TMEM260: variants seen among roughly 807,000 people sequenced by gnomAD.
TMEM260 encodes the protein transmembrane protein 260, also known as protein O-mannosyl-transferase TMEM260.
In TMEM260, 82 loss-of-function variants were observed where a neutral mutation model predicts 88.9. The ratio of observed to expected loss-of-function variants is 0.92; its 90% CI spans 0.77 to 1.11. The LOEUF (loss-of-function observed/expected upper bound fraction) is 1.11. TMEM260 is among the 50% of genes least tolerant of loss of function. TMEM260 has a pLI of 0.00. For missense variants in TMEM260, 902 were observed against 853.4 expected, an observed-to-expected ratio of 1.06 and a Z score of -0.71; for synonymous variants, 314 against 309.3, an observed-to-expected ratio of 1.02 and a Z score of -0.16.
intron 3 of TMEM260, among the ~76,000 whole-genome samples, chr14:56,586,909 G>A (rs1594809378): frequency 6.6e-6 from 1 of 151,734 alleles, no homozygotes; most frequent in African/African-American, 2.4e-5. Flanking sequence ...TTCAAGTATT[G>A]TAACTGTTGA....
At chr14:56,635,774 A>C (rs1227870243) in intron 14 of TMEM260, among the ~76,000 whole-genome samples, 2 of 152,224 alleles carry the variant, frequency 1.3e-5, no homozygotes, top group Non-Finnish European at 2.9e-5. Flanking sequence ...TATGATATAA[A>C]GAGCTTATAT....
chr14:56,580,058 A>T lies in TMEM260; in HGVS notation c.144A>T (p.Val48=), dbSNP rs908067309. The T allele has an allele frequency of 8.0e-7, 1 of 1,252,056 alleles. No homozygotes were observed. The highest frequency in any genetic ancestry group is 1.5e-5 in the African/African-American group (1 of 64,750). The allele number at this position is 1,252,056 out of a possible 1,614,324, so 77.6% of individuals were successfully genotyped here. The change falls in exon 1 of 16, where the codon GTA becomes GTT. Residue 48 remains valine, a synonymous_variant. Coordinates refer to ENST00000261556, the MANE Select transcript of TMEM260 (RefSeq NM_017799.4). ...TCACCTTCACCCTGCCCCCTTCGGT[A>T]CCGGGGGGAGACTCCGGTAAAGTAC... The part of the protein sequence containing the change: ...AVFTFTLPPS[V]PGGDSGELIT...
intron 3 of TMEM260, among the ~76,000 whole-genome samples, chr14:56,596,425 TACATACACACACATATAC>T (rs1886230143): frequency 7.4e-6 from 1 of 135,634 alleles, no homozygotes; most frequent in African/African-American, 2.9e-5. Context: ...TATATATATA[TACATACACACACATATAC>T]ATATATATAG....
At chr14:56,631,052 C>T (rs930299694) in intron 12 of TMEM260, among the ~76,000 whole-genome samples, 2 of 152,076 alleles carry the variant, frequency 1.3e-5, no homozygotes, top group East Asian at 1.9e-4. Flanking sequence ...AGAAAGAATT[C>T]AACTGAGGGG....
At chr14:56,581,384 T>TGCACAAGTAGGGATAGTGTTTC (rs1336709266) in intron 1 of TMEM260, among the ~76,000 whole-genome samples, 4 of 152,236 alleles carry the variant, frequency 2.6e-5, no homozygotes, top group African/African-American at 9.6e-5. Context: ...CAGGTCCTGT[T>TGCACAAGTAGGGATAGTGTTTC]GCACAAGTAG....
chr14:56,580,160 ATTCGGTCTGGTC>A, intron 1 of TMEM260, 86 bp downstream of exon 1: 1 of 1,161,784 alleles, frequency 8.6e-7, no homozygotes. Context: ...TGCTCTTGGC[ATTCGGTCTGGTC>A]AGCTCTGGGC....
Position 56,618,717 on chromosome 14 carries a change from C to T in TMEM260, c.1180C>T (p.Leu394Phe). 6.2e-7 allele frequency: 1 copy of T among 1,614,134 alleles called. No homozygotes were observed. Among genetic ancestry groups the T allele is most frequent in the Non-Finnish European group, 8.5e-7 (1 of 1,180,012 alleles). Reference protein sequence around the residue: ...NSNGLQCLEWLSATLFVVYQI... With the variant: ...NSNGLQCLEWFSATLFVVYQI... ...CAATGGGCTTCAGTGTCTGGAATGG[C>T]TTTCTGCAACTCTTTTTGTAGTTTA... Residue 394 changes from leucine (L) to phenylalanine (F), a missense_variant, in exon 10 of 16, where the codon CTT becomes TTT. Coordinates refer to ENST00000261556, the MANE Select transcript of TMEM260 (RefSeq NM_017799.4).
intron 3 of TMEM260, among the ~76,000 whole-genome samples, chr14:56,596,782 ATT>A (rs1427553448): frequency 2.3e-5 from 2 of 86,312 alleles, no homozygotes; most frequent in African/African-American, 6.8e-5. Flanking sequence ...AAAAAAAAAA[ATT>A]AAAAAAAAAA....
intron 3 of TMEM260, among the ~76,000 whole-genome samples, chr14:56,593,709 A>C: frequency 1.3e-5 from 1 of 74,870 alleles, no homozygotes; most frequent in Non-Finnish European, 2.3e-5. Context: ...TTTTTTTGAG[A>C]CTGAGTCTCG....
intron 15 of TMEM260, among the ~76,000 whole-genome samples, chr14:56,641,378 A>G (rs548981251): frequency 1.1e-4 from 17 of 152,242 alleles, no homozygotes; most frequent in Non-Finnish European, 2.4e-4. Flanking sequence ...CTTCAAGAAA[A>G]GAATTTTCAA....
intron 5 of TMEM260, among the ~76,000 whole-genome samples, chr14:56,608,036 TG>T (rs1394431583): frequency 6.6e-6 from 1 of 152,234 alleles, no homozygotes; most frequent in Non-Finnish European, 1.5e-5. Context: ...AGCAAAGGCA[TG>T]TTGTTAGATT....
At chr14:56,643,030 C>T (rs1009090752) in intron 15 of TMEM260, among the ~76,000 whole-genome samples, 1 of 152,030 alleles carries the variant, frequency 6.6e-6, no homozygotes, top group South Asian at 2.1e-4. Flanking sequence ...AATAGCTTAC[C>T]AACCAAAAAA....
intron 15 of TMEM260, 139 bp from the exon 16 acceptor site, chr14:56,647,104 G>A: frequency 1.1e-6 from 1 of 904,146 alleles, no homozygotes; most frequent in South Asian, 1.8e-5. Flanking sequence ...TCTCTGCATG[G>A]CTTAGCAATG....
At chr14:56,644,969 G>T (rs1350660164) in intron 15 of TMEM260, among the ~76,000 whole-genome samples, 1 of 151,972 alleles carries the variant, frequency 6.6e-6, no homozygotes, top group Admixed American at 6.6e-5. Context: ...AGTTAGAATG[G>T]CAATCATTAA....
chr14:56,643,976 A>G (rs1889783210), intron 15 of TMEM260, among the ~76,000 whole-genome samples: 1 of 152,124 alleles, frequency 6.6e-6, no homozygotes, highest in African/African-American at 2.4e-5. Flanking sequence ...TTCAAGGAGA[A>G]CTACAAACCA....
chr14:56,663,125 G>A, the TMEM260 span, among the ~76,000 whole-genome samples: 2 of 151,772 alleles, frequency 1.3e-5, no homozygotes, highest in African/African-American at 4.8e-5. The surrounding 1 kb of genome is among the most constrained non-coding windows in gnomAD (Gnocchi z 4.1). Context: ...GCAAAACTCT[G>A]TCTCAAAAAA....
intron 1 of TMEM260, among the ~76,000 whole-genome samples, chr14:56,580,633 C>G (rs945630064): frequency 8.5e-5 from 13 of 152,054 alleles, no homozygotes; most frequent in African/African-American, 3.1e-4. Flanking sequence ...TAGTTGAAAC[C>G]TGAATATTGA....
rs552244537 is a variant in TMEM260 at position 56,585,141 on chromosome 14, G to A, written c.192+109G>A. On this transcript the variant is annotated intron_variant, in intron 2 of 15. Transcript: ENST00000261556. ...TAGATTAATTTATTTTCAAACCCCC[G>A]TTTTTAGTAACTTATAAGTACAGTA... 5.6e-5 allele frequency: 55 copies of A among 989,460 alleles called. 1 individual carries two copies. Among genetic ancestry groups the A allele is most frequent in the African/African-American group, 9.8e-5 (6 of 61,140 alleles). 61.3% of individuals were successfully genotyped at this position (989,460 alleles called of 1,614,324 possible). A position where few individuals can be genotyped will look rare whatever the true frequency, so the allele number is the denominator to read the frequency against.
chr14:56,622,278 G>A (rs1594861082), intron 11 of TMEM260, among the ~76,000 whole-genome samples: 2 of 134,824 alleles, frequency 1.5e-5, no homozygotes, highest in South Asian at 4.8e-4. Flanking sequence ...GGGAGACAGA[G>A]TTTGCAGTGA....
Sources: allele counts gnomAD v4.1 joint callset (sites outside exome capture counted in the v4.1 genomes callset), GRCh38; gene constraint gnomAD v4.1.1; non-coding constraint Gnocchi (gnomAD v3.1); transcripts MANE v1.5; gene names NCBI Gene and HGNC (gene_info 2026-07-23, HGNC 2026-07-21).